IRX4: variants seen among roughly 807,000 people sequenced by gnomAD.
IRX4 encodes the protein iroquois-class homeodomain protein IRX-4.
A neutral mutation model predicts 32.0 loss-of-function variants in IRX4; 22 were observed. The ratio of observed to expected loss-of-function variants is 0.69; its 90% CI spans 0.49 to 0.98. The LOEUF is 0.98. Ranked by LOEUF, IRX4 falls within the 50% of genes least tolerant of loss-of-function variation. IRX4 has a pLI of 0.00. For synonymous variants in IRX4, 379 were observed against 351.7 expected (o/e 1.08, Z -0.87); for missense variants, 840 against 744.2 (o/e 1.13, Z -1.50).
chr5:1,880,197 G>A (rs952432057), intron 3 of IRX4: 3 of 1,407,574 alleles, frequency 2.1e-6, no homozygotes, highest in East Asian at 2.5e-5. Context: ...GATGTAACAC[G>A]TGTGGCAGGA....
Position 1,877,989 on chromosome 5 carries a change from CGCCG to C in IRX4, c.1536_1539del (p.Gly513AlafsTer29), listed in dbSNP as rs1283820195. 1 of 1,503,106 alleles carries C rather than the reference CGCCG, an allele frequency of 6.7e-7. No homozygotes were observed. The highest frequency in any genetic ancestry group is 1.4e-5 in the African/African-American group (1 of 69,554). The allele number at this position is 1,503,106 out of a possible 1,614,324, so 93.1% of individuals were successfully genotyped here. A position where few individuals can be genotyped will look rare whatever the true frequency, so the allele number is the denominator to read the frequency against. On this transcript the variant is annotated frameshift_variant, in exon 5 of 5. Transcript: ENST00000231357. LOFTEE classifies it high-confidence loss of function. ...CCGCCTCAGGCGCAGAAGGGTTTGC[CGCCG>C]GCCTTGGGCAGGGCGAGCAGCTCCC... is the stretch of plus-strand genomic sequence containing the variant.
At chr5:1,883,529 T>A (rs1030027633), upstream of IRX4, among the ~76,000 whole-genome samples, 1 of 152,210 alleles carries the variant, frequency 6.6e-6, no homozygotes, top group Non-Finnish European at 1.5e-5. Context: ...CCGCAAGAGC[T>A]GGTCAAAATG....
rs1375673155 is a variant in IRX4 at position 1,879,811 on chromosome 5, G to T, written c.429C>A (p.Gly143=). 6 of 1,614,050 alleles carry T rather than the reference G, an allele frequency of 3.7e-6. No individual in the cohort carries two copies. Among genetic ancestry groups the T allele is most frequent in the Non-Finnish European group, 5.1e-6 (6 of 1,180,032 alleles). Reference sequence around the variant, plus strand: ...CGCGCGTGGCGTTCTTGCGCCGCGTGCCGCTGTCCATGGTTCCATACCTGG... The same window carrying T: ...CGCGCGTGGCGTTCTTGCGCCGCGTTCCGCTGTCCATGGTTCCATACCTGG... ...PYDRYGTMDS[G]TRRKNATRET... The change falls in exon 4 of 5, where the codon GGC becomes GGA. Residue 143 remains glycine, a synonymous_variant. Transcript: ENST00000231357.
At chr5:1,882,087 G>A (rs947459241) in intron 1 of IRX4, 28 bp from the exon 2 acceptor site, 11 of 1,540,420 alleles carry the variant, frequency 7.1e-6, no homozygotes, top group Middle Eastern at 3.6e-4. Flanking sequence ...GAGGACTGGC[G>A]GGAAGCCGGG....
upstream of IRX4, among the ~76,000 whole-genome samples, chr5:1,885,945 G>T (rs1362688589): frequency 2.6e-5 from 4 of 152,250 alleles, no homozygotes; most frequent in Admixed American, 1.3e-4. Flanking sequence ...CCCGTGAGCA[G>T]GTGGGCCAGA....
chr5:1,881,995 G>T lies in IRX4; in HGVS notation c.110C>A (p.Ser37Tyr). 6.5e-7 allele frequency: 1 copy of T among 1,548,902 alleles called. No homozygotes were observed. Among genetic ancestry groups the T allele is most frequent in the East Asian group, 2.4e-5 (1 of 40,936 alleles). ...CESGGRTLAD[S>Y]GPAASAQAPV... ...CGCCTGGGCCGAGGCGGCGGGCCCG[G>T]AGTCCGCCAGCGTGCGGCCTCCGGA... is the stretch of plus-strand genomic sequence containing the variant. The change falls in exon 2 of 5, where the codon TCC becomes TAC. Residue 37 changes from serine to tyrosine, a missense_variant. By Grantham distance (144) the Ser-to-Tyr change is moderately radical. Coordinates refer to ENST00000231357, the MANE Select transcript of IRX4 (RefSeq NM_016358.3).
rs1735506214 is a variant in IRX4, at chr5:1,882,909, A to G, written c.-262T>C. 2.7e-6 allele frequency: 1 copy of G among 368,420 alleles called. No homozygotes were observed. The highest frequency in any genetic ancestry group is 1.5e-4 in the South Asian group (1 of 6,734). The allele number at this position is 368,420 out of a possible 1,614,324, so 22.8% of individuals were successfully genotyped here. A position where few individuals can be genotyped will look rare whatever the true frequency, so the allele number is the denominator to read the frequency against. On this transcript the variant is annotated 5_prime_UTR_variant, in exon 1 of 5. Coordinates refer to ENST00000231357, the MANE Select transcript of IRX4 (RefSeq NM_016358.3). The stretch of plus-strand genomic sequence containing the variant: ...GACCGAGCGGCCTCGCAGCGGCGAC[A>G]GAAATACATATTTTACGAAAAAGAA...
At chr5:1,881,436 G>A (rs968124438) in intron 2 of IRX4, among the ~76,000 whole-genome samples, 18 of 151,814 alleles carry the variant, frequency 1.2e-4, no homozygotes, top group African/African-American at 4.1e-4. Context: ...GGGGCTGGGA[G>A]GACAGGAAGA....
chr5:1,883,578 C>A (rs748184357), upstream of IRX4, among the ~76,000 whole-genome samples: 1 of 152,246 alleles, frequency 6.6e-6, no homozygotes, highest in Non-Finnish European at 1.5e-5. Flanking sequence ...TTAGTTGGAG[C>A]CCGACACCCT....
upstream of IRX4, among the ~76,000 whole-genome samples, chr5:1,885,275 A>C (rs1344112261): frequency 6.6e-6 from 1 of 152,126 alleles, no homozygotes; most frequent in East Asian, 1.9e-4. Flanking sequence ...TTCTGAGCAG[A>C]GTCTGGGAGA....
chr5:1,886,143 G>A (rs1358510327), upstream of IRX4, among the ~76,000 whole-genome samples: 2 of 152,266 alleles, frequency 1.3e-5, no homozygotes, highest in Non-Finnish European at 2.9e-5. Flanking sequence ...ACCGTTGGCC[G>A]TCGGAACCAT....
chr5:1,880,682 G>C (rs1461645058), intron 3 of IRX4, 43 bp downstream of exon 3: 2 of 1,335,128 alleles, frequency 1.5e-6, no homozygotes, highest in Non-Finnish European at 2.2e-6. Flanking sequence ...ACAGTGCAGA[G>C]GGCCCGTGGG....
At chr5:1,882,562 C>T in intron 1 of IRX4, 41 bp downstream of exon 1, 5 of 1,492,554 alleles carry the variant, frequency 3.3e-6, no homozygotes, top group Non-Finnish European at 4.5e-6. Flanking sequence ...TCCGCCCTAC[C>T]GGCACCTGCG....
upstream of IRX4, among the ~76,000 whole-genome samples, chr5:1,885,577 T>A (rs983784380): frequency 6.6e-6 from 1 of 151,968 alleles, no homozygotes; most frequent in Non-Finnish European, 1.5e-5. Flanking sequence ...AGCTCGCAAC[T>A]GCCCAGGAGG....
At chr5:1,880,243 G>A (rs532929777) in intron 3 of IRX4, 3 of 912,894 alleles carry the variant, frequency 3.3e-6, no homozygotes, top group South Asian at 1.6e-5. Context: ...AAGCACCCAA[G>A]GGGCCTAAGT....
In IRX4 at chr5:1,882,712, C is replaced by T. The variant is rs1735499100; in HGVS notation, c.-65G>A. 1.0e-5 allele frequency: 11 copies of T among 1,058,208 alleles called. 1 individual carries two copies. The highest frequency in any genetic ancestry group is 5.1e-5 in the South Asian group (2 of 39,040). 65.6% of individuals were successfully genotyped at this position (1,058,208 alleles called of 1,614,324 possible). On this transcript the variant is annotated 5_prime_UTR_variant, in exon 1 of 5. Transcript: ENST00000231357. ...GTTCTGCGCGCTGGGGCCGGCGTGG[C>T]GCGGCCACTGCTCCGGAGCTGCAGG...
rs1011405458 is a variant in IRX4, at chr5:1,879,942, C to G, written c.408-110G>C. 52 of 1,531,240 alleles carry G rather than the reference C, an allele frequency of 3.4e-5. No homozygotes were observed. The East Asian group carries it at 1.2e-3, about 36-fold the overall frequency. The allele number at this position is 1,531,240 out of a possible 1,614,324, so 94.9% of individuals were successfully genotyped here. A position where few individuals can be genotyped will look rare whatever the true frequency, so the allele number is the denominator to read the frequency against. Reference sequence around the variant, plus strand: ...CATGCCAGGATGGGCTTTGCTTCCCCGTCGTGGGGTTGTGGTCATGGTCAT... The same window carrying G: ...CATGCCAGGATGGGCTTTGCTTCCCGGTCGTGGGGTTGTGGTCATGGTCAT... On this transcript the variant is annotated intron_variant, in intron 3 of 4. Coordinates refer to ENST00000231357, the MANE Select transcript of IRX4 (RefSeq NM_016358.3).
intron 1 of IRX4, 39 bp downstream of exon 1, chr5:1,882,564 G>A: frequency 2.0e-6 from 3 of 1,492,638 alleles, no homozygotes; most frequent in African/African-American, 1.5e-5. Flanking sequence ...CGCCCTACCG[G>A]CACCTGCGGT....
Position 1,882,642 on chromosome 5 carries a change from G to A in IRX4, c.6C>T (p.Ser2=). M[S]YPQFGYPYSS... ...AGTAGGGGTATCCAAACTGCGGGTA[G>A]GACATGGCGGGCGCGGCCCGGGGCG... The change falls in exon 1 of 5, where the codon TCC becomes TCT. Residue 2 remains serine, a synonymous_variant. Transcript: ENST00000231357. 7.1e-7 allele frequency: 1 copy of A among 1,404,966 alleles called. No homozygotes were observed. Among genetic ancestry groups the A allele is most frequent in the Non-Finnish European group, 9.3e-7 (1 of 1,080,776 alleles). 87.0% of individuals were successfully genotyped at this position (1,404,966 alleles called of 1,614,324 possible). A position where few individuals can be genotyped will look rare whatever the true frequency, so the allele number is the denominator to read the frequency against.
Sources: gnomAD v4.1 joint callset for allele counts (sites outside exome capture counted in the v4.1 genomes callset) on GRCh38, gnomAD v4.1.1 for gene constraint, MANE v1.5 for transcripts, NCBI Gene and HGNC (gene_info 2026-07-23, HGNC 2026-07-21) for gene names.